Variants in SOCS6 observed in about 807,000 individuals in gnomAD.
SOCS6 encodes suppressor of cytokine signaling 6, also known as STAT induced STAT inhibitor-4.
A neutral mutation model predicts 27.7 loss-of-function variants in SOCS6; 5 were observed. That is an observed-to-expected ratio of 0.18 (90% confidence interval 0.09 to 0.38). The LOEUF (loss-of-function observed/expected upper bound fraction) is 0.38, where lower values mean the gene tolerates loss of function less well. Among genes scored for constraint, SOCS6 ranks in the 10% least tolerant of loss-of-function variants. The pLI is 1.00. For missense variants in SOCS6, 595 were observed against 688.1 expected (o/e 0.86, Z 1.51); for synonymous variants, 271 against 260.0 (o/e 1.04, Z -0.41).
intron 1 of SOCS6, among the ~76,000 whole-genome samples, chr18:70,289,366 A>G (rs112599319): frequency 0.065 from 9,641 of 147,896 alleles, 430 homozygotes; most frequent in East Asian, 0.21. Context: ...GGAAACCGGG[A>G]AGCCGGGGCC....
rs896226548 is a variant in SOCS6, at chr18:70,329,325, A to G, written c.*3049A>G. ...ACCAACCATCTTGCTGTTGAAGAAA[A>G]CAGTTCCAAAAGGCTAAATCATTGG... On this transcript the variant is annotated 3_prime_UTR_variant, in exon 2 of 2. Transcript: ENST00000397942. The G allele has an allele frequency of 1.2e-5, 2 of 167,112 alleles. No homozygotes were observed. The highest frequency in any genetic ancestry group is 1.5e-5 in the Non-Finnish European group (1 of 68,120). 10.4% of individuals were successfully genotyped at this position (167,112 alleles called of 1,614,324 possible).
rs940195557 is a variant in SOCS6, at chr18:70,319,614, A to T, written c.-126-4929A>T. On this transcript the variant is annotated intron_variant, in intron 1 of 1. Transcript: ENST00000397942. ...TAAGAACCAAGCACTTCAGTAAAAA[A>T]AAAAAAAAAAAAAAAAAATTGGTTA... Among the ~76,000 whole-genome samples the T allele has an allele frequency of 2.9e-5, 4 of 137,010 alleles. 1 individual carries two copies. Among genetic ancestry groups the T allele is most frequent in the African/African-American group, 1.4e-4 (4 of 29,162 alleles). The allele number at this position is 137,010 out of a possible 152,430, so 89.9% of individuals were successfully genotyped here.
intron 1 of SOCS6, among the ~76,000 whole-genome samples, chr18:70,309,628 A>G (rs1009279639): frequency 6.6e-6 from 1 of 152,178 alleles, no homozygotes; most frequent in Non-Finnish European, 1.5e-5. Context: ...TAATACTGAT[A>G]AAATACAGAC....
In SOCS6 at chr18:70,320,621, T is replaced by C. The variant is rs532708891; in HGVS notation, c.-126-3922T>C. Among the ~76,000 whole-genome samples, 9 of 152,322 alleles carry C rather than the reference T, an allele frequency of 5.9e-5. No individual in the cohort carries two copies. The East Asian group carries it at 1.4e-3, about 23-fold the overall frequency. On this transcript the variant is annotated intron_variant, in intron 1 of 1. Transcript: ENST00000397942. ...TATTACAATATTTTGCTATAATTGT[T>C]TAATTTTATTATTAGTTATAGTTAT...
In SOCS6 at chr18:70,299,004, A is replaced by AT. The variant is rs374402688; in HGVS notation, c.-127+9915dup. On this transcript the variant is annotated intron_variant, in intron 1 of 1. Transcript: ENST00000397942. ...GCCAGGCACGGTGGCACATGCTGTA[A>AT]TCCCAGCTACTTGGGAGGCTGGAAG... Among the ~76,000 whole-genome samples the AT allele has an allele frequency of 2.3e-3, 350 of 152,248 alleles. 1 individual carries two copies. Among genetic ancestry groups the AT allele is most frequent in the African/African-American group, 7.9e-3 (327 of 41,536 alleles).
At position 70,328,468 on chromosome 18, in the gene SOCS6, C is replaced by G. The variant is rs1911293232; in HGVS notation, c.*2192C>G. The G allele has an allele frequency of 6.0e-6, 1 of 166,696 alleles. No homozygotes were observed. The highest frequency in any genetic ancestry group is 1.5e-5 in the Non-Finnish European group (1 of 68,124). 10.3% of individuals were successfully genotyped at this position (166,696 alleles called of 1,614,324 possible). On this transcript the variant is annotated 3_prime_UTR_variant, in exon 2 of 2. Coordinates refer to ENST00000397942, the MANE Select transcript of SOCS6 (RefSeq NM_004232.4). ...TCTCATCATGCCATGTGTTTAAGATCTACCCGCTTAGTGTCAAGATTATTG... is the reference window on the plus strand; with the variant it reads ...TCTCATCATGCCATGTGTTTAAGATGTACCCGCTTAGTGTCAAGATTATTG...
intron 1 of SOCS6, among the ~76,000 whole-genome samples, chr18:70,320,292 T>C (rs946246700): frequency 2.6e-5 from 4 of 152,202 alleles, no homozygotes; most frequent in African/African-American, 9.7e-5. Context: ...TTGAATGTTA[T>C]AGAGTAAAAA....
At chr18:70,319,259 G>A (rs2146291065) in intron 1 of SOCS6, among the ~76,000 whole-genome samples, 1 of 152,280 alleles carries the variant, frequency 6.6e-6, no homozygotes, top group East Asian at 1.9e-4. Flanking sequence ...AAACTGAGAT[G>A]AAAGTACATG....
intron 1 of SOCS6, among the ~76,000 whole-genome samples, chr18:70,318,603 C>G (rs1340749187): frequency 6.6e-6 from 1 of 151,550 alleles, no homozygotes; most frequent in African/African-American, 2.4e-5. Flanking sequence ...CCATATATAA[C>G]ATATTATTGT....
In SOCS6 at chr18:70,328,944, G is replaced by C. The variant is rs189533477; in HGVS notation, c.*2668G>C. On this transcript the variant is annotated 3_prime_UTR_variant, in exon 2 of 2. Transcript: ENST00000397942. ...TAGATGACATGGACACAGCCTATGA[G>C]TGCTTTTTAAATACGTGCTTCTAAA... The C allele has an allele frequency of 6.0e-6, 1 of 167,152 alleles. No individual in the cohort carries two copies. The highest frequency in any genetic ancestry group is 2.4e-5 in the African/African-American group (1 of 41,576). 10.4% of individuals were successfully genotyped at this position (167,152 alleles called of 1,614,324 possible).
intron 1 of SOCS6, among the ~76,000 whole-genome samples, chr18:70,312,796 T>A (rs894619904): frequency 8.5e-6 from 1 of 117,086 alleles, no homozygotes; most frequent in South Asian, 2.9e-4. Context: ...TTTTTTGAGA[T>A]GGAGTCTTCC....
rs1273671954 is a variant in SOCS6, at chr18:70,327,747, GT to G, written c.*1474del. 4.2e-5 allele frequency: 7 copies of G among 166,994 alleles called. No homozygotes were observed. The South Asian group carries it at 8.3e-4, about 20-fold the overall frequency. The allele number at this position is 166,994 out of a possible 1,614,324, so 10.3% of individuals were successfully genotyped here. A position where few individuals can be genotyped will look rare whatever the true frequency, so the allele number is the denominator to read the frequency against. On this transcript the variant is annotated 3_prime_UTR_variant, in exon 2 of 2. Transcript: ENST00000397942. Reference sequence around the variant, plus strand: ...CAGCTACACACCTTTAAAGGAAAATGTTTCTATCTCAGATGAAACATGTAAT... The same window carrying G: ...CAGCTACACACCTTTAAAGGAAAATGTTCTATCTCAGATGAAACATGTAAT...
intron 1 of SOCS6, among the ~76,000 whole-genome samples, chr18:70,320,702 T>A (rs1314038768): frequency 6.6e-6 from 1 of 152,188 alleles, no homozygotes; most frequent in Non-Finnish European, 1.5e-5. Context: ...TATGTGTGTA[T>A]AGGAAAAAAG....
rs1911185901 is a variant in SOCS6, at chr18:70,325,803, C to A, written c.1135C>A (p.Leu379Ile). ...AAGCCTTACAGAGGAGCTGAAAAAA[C>A]TTGCAAAGCAAGGATGGTACTGGGG... ...VTSLTEELKKLAKQGWYWGPI... is the reference protein window; with the variant it reads ...VTSLTEELKKIAKQGWYWGPI... Residue 379 changes from leucine (L) to isoleucine (I), a missense_variant, in exon 2 of 2, where the codon CTT (leucine) becomes ATT (isoleucine). Physicochemically the swap from Leu to Ile is conservative, Grantham distance 5. Around this residue, in one of 2 missense-constraint regions of SOCS6, gnomAD observed 128 missense variants for 207.0 expected, o/e 0.62. Coordinates refer to ENST00000397942, the MANE Select transcript of SOCS6 (RefSeq NM_004232.4). This position sits in a 1 kb window ranked among gnomAD's most constrained non-coding sequence, Gnocchi z 6.3. 1 of 1,614,128 alleles carries A rather than the reference C, an allele frequency of 6.2e-7. No homozygotes were observed. The highest frequency in any genetic ancestry group is 1.7e-5 in the Admixed American group (1 of 60,016).
chr18:70,289,444 C>T (rs1196485329), intron 1 of SOCS6, among the ~76,000 whole-genome samples: 1 of 147,368 alleles, frequency 6.8e-6, no homozygotes, highest in Non-Finnish European at 1.5e-5. Flanking sequence ...ACCCCTCGGC[C>T]TCTTCGGCCG....
chr18:70,291,842 T>A (rs1213824974), intron 1 of SOCS6, among the ~76,000 whole-genome samples: 1 of 152,204 alleles, frequency 6.6e-6, no homozygotes, highest in Non-Finnish European at 1.5e-5. Flanking sequence ...TACTAGTATA[T>A]GTCATAAAAA....
chr18:70,314,234 C>A (rs1347492244), intron 1 of SOCS6: 5 of 151,950 alleles, frequency 3.3e-5, no homozygotes, highest in Admixed American at 3.3e-4. Context: ...CCAGCCTGGG[C>A]GACAGAGTGA....
At chr18:70,309,806 C>T (rs2062383172) in intron 1 of SOCS6, among the ~76,000 whole-genome samples, 1 of 152,104 alleles carries the variant, frequency 6.6e-6, no homozygotes, top group Non-Finnish European at 1.5e-5. Context: ...ACCTTGGCCT[C>T]CCGATTAGCT....
chr18:70,302,440 A>G (rs1486886113), intron 1 of SOCS6, among the ~76,000 whole-genome samples: 1 of 152,148 alleles, frequency 6.6e-6, no homozygotes, highest in African/African-American at 2.4e-5. Context: ...AGACAGCATT[A>G]AGGACCCACC....
Sources: gnomAD v4.1 joint callset for allele counts (sites outside exome capture counted in the v4.1 genomes callset) on GRCh38, gnomAD v4.1.1 for gene constraint, gnomAD v4.1.1 regional missense constraint, Gnocchi (gnomAD v3.1) non-coding constraint, MANE v1.5 for transcripts, NCBI Gene and HGNC (gene_info 2026-07-23, HGNC 2026-07-21) for gene names.